Variants in NCAM1 observed in about 807,000 individuals in gnomAD.
NCAM1 encodes the protein neural cell adhesion molecule 1, also known as antigen recognized by monoclonal antibody 5.1H11.
Under a neutral mutation model 109.8 loss-of-function variants are expected in NCAM1, and 14 were observed. The ratio of observed to expected loss-of-function variants is 0.13; its 90% CI spans 0.08 to 0.20. NCAM1 has a LOEUF of 0.20. NCAM1 is among the 10% of genes least tolerant of loss of function. NCAM1 has a pLI of 1.00. For missense variants in NCAM1, 774 were observed against 1,109.9 expected (o/e 0.70, Z 4.30); for synonymous variants, 418 against 442.9 (o/e 0.94, Z 0.70).
chr11:113,219,770 CA>C (rs1302399078), intron 8 of NCAM1, among the ~76,000 whole-genome samples: 3 of 152,164 alleles, frequency 2.0e-5, no homozygotes, highest in African/African-American at 7.2e-5. Context: ...TAGAGTCTCT[CA>C]AAAGAAAGAT....
chr11:113,120,774 A>C (rs1565448060), intron 1 of NCAM1, among the ~76,000 whole-genome samples: 1 of 152,198 alleles, frequency 6.6e-6, no homozygotes, highest in African/African-American at 2.4e-5. Context: ...CAAAATACGA[A>C]AACTCGAAGA....
chr11:113,206,082 G>A lies in NCAM1; in HGVS notation c.530G>A (p.Arg177Gln), dbSNP rs35576001. The A allele has an allele frequency of 1.5e-3, 2,353 of 1,613,844 alleles. 25 individuals are homozygous for A. In the African/African-American group the frequency reaches 0.026, roughly 18 times the overall value. ...CTGTCCAACAACTACCTGCAGATCCGGGGCATCAAGAAAACAGATGAGGGC... is the reference window on the plus strand; with the variant it reads ...CTGTCCAACAACTACCTGCAGATCCAGGGCATCAAGAAAACAGATGAGGGC... Reference protein sequence around the residue: ...IVLSNNYLQIRGIKKTDEGTY... With the variant: ...IVLSNNYLQIQGIKKTDEGTY... The change falls in exon 5 of 20, where the codon CGG (arginine) becomes CAG (glutamine). Residue 177 changes from arginine to glutamine, a missense_variant. This residue lies in a region of NCAM1 where 523 missense variants were observed against 784.2 expected (regional missense o/e 0.67). Coordinates refer to ENST00000316851, the MANE Select transcript of NCAM1 (RefSeq NM_181351.5).
At chr11:113,067,003 C>CAAA (rs34002848) in intron 1 of NCAM1, among the ~76,000 whole-genome samples, 4,090 of 103,282 alleles carry the variant, frequency 0.04, 210 homozygotes, top group East Asian at 0.14. Context: ...GAACCCCTCT[C>CAAA]AAAAAAAAAA....
At chr11:113,079,289 CAG>C (rs1555086726) in intron 1 of NCAM1, among the ~76,000 whole-genome samples, 1 of 152,160 alleles carries the variant, frequency 6.6e-6, no homozygotes, top group East Asian at 1.9e-4. Context: ...ATGGAGGCAA[CAG>C]AGAGTAAGGG....
chr11:113,236,012 C>T (rs1485077328), intron 14 of NCAM1, among the ~76,000 whole-genome samples: 1 of 152,106 alleles, frequency 6.6e-6, no homozygotes, highest in Admixed American at 6.5e-5. Flanking sequence ...CTCTCTGACC[C>T]CTGGATTTAA....
In NCAM1 at chr11:113,277,358, A is replaced by T; in HGVS notation, c.*1971A>T. The T allele has an allele frequency of 2.5e-6, 1 of 399,056 alleles. No homozygotes were observed. The highest frequency in any genetic ancestry group is 4.4e-6 in the Non-Finnish European group (1 of 226,126). 24.7% of individuals were successfully genotyped at this position (399,056 alleles called of 1,614,324 possible). A position where few individuals can be genotyped will look rare whatever the true frequency, so the allele number is the denominator to read the frequency against. Reference sequence around the variant, plus strand: ...TGTTGCATTTTCTCAGCTCCTGGGGATGGAAATGGAGGATCCCAGAACACA... The same window carrying T: ...TGTTGCATTTTCTCAGCTCCTGGGGTTGGAAATGGAGGATCCCAGAACACA... On this transcript the variant is annotated 3_prime_UTR_variant, in exon 20 of 20. Transcript: ENST00000316851.
intron 1 of NCAM1, among the ~76,000 whole-genome samples, chr11:113,190,446 G>C (rs1320288426): frequency 1.3e-5 from 2 of 152,148 alleles, no homozygotes; most frequent in African/African-American, 4.8e-5. Flanking sequence ...ATGTATTTTG[G>C]ATGTGCCAGC....
chr11:113,273,627 G>A lies in NCAM1; in HGVS notation c.2457-1640G>A, dbSNP rs1377331258. 5 of 454,860 alleles carry A rather than the reference G, an allele frequency of 1.1e-5. No homozygotes were observed. The East Asian group carries it at 3.5e-4, about 32-fold the overall frequency. The allele number at this position is 454,860 out of a possible 1,614,324, so 28.2% of individuals were successfully genotyped here. A position where few individuals can be genotyped will look rare whatever the true frequency, so the allele number is the denominator to read the frequency against. The stretch of plus-strand genomic sequence containing the variant: ...CTTCAAGACCCCAGATATTGACCTT[G>A]CAAAGGATGTTTTTGCAGCCCTGGG... On this transcript the variant is annotated intron_variant, in intron 19 of 19. Transcript: ENST00000316851. The surrounding 1 kb of genome is among the most constrained non-coding windows in gnomAD (Gnocchi z 6.0).
intron 14 of NCAM1, chr11:113,243,413 G>A (rs940457539): frequency 8.6e-6 from 3 of 348,166 alleles, no homozygotes; most frequent in African/African-American, 6.4e-5. Context: ...TCAGGCTCCC[G>A]CCTCAGTGCT....
intron 1 of NCAM1, among the ~76,000 whole-genome samples, chr11:112,992,743 G>A (rs782450403): frequency 2.0e-5 from 3 of 152,030 alleles, no homozygotes; most frequent in South Asian, 2.1e-4. Flanking sequence ...TCCTGACCTC[G>A]TGATCCGCCA....
At position 112,961,648 on chromosome 11, in the gene NCAM1, T is replaced by A. The variant is rs201161826; in HGVS notation, c.36T>A (p.Phe12Leu). ...CTAAGGATCTCATCTGGACTTTGTT[T>A]TTCCTGGGAACTGCAGGTACATTTT... ...LQTKDLIWTLFFLGTAVSLQV... is the reference protein window; with the variant it reads ...LQTKDLIWTLLFLGTAVSLQV... Residue 12 changes from phenylalanine (F) to leucine (L), a missense_variant, in exon 1 of 20, where the codon TTT (phenylalanine) becomes TTA (leucine). Coordinates refer to ENST00000316851, the MANE Select transcript of NCAM1 (RefSeq NM_181351.5). 302 of 1,497,156 alleles carry A rather than the reference T, an allele frequency of 2.0e-4. No homozygotes were observed. The highest frequency in any genetic ancestry group is 2.6e-4 in the Non-Finnish European group (279 of 1,080,212). 92.7% of individuals were successfully genotyped at this position (1,497,156 alleles called of 1,614,324 possible).
At chr11:113,250,307 T>C (rs1945637480) in intron 15 of NCAM1, among the ~76,000 whole-genome samples, 2 of 152,180 alleles carry the variant, frequency 1.3e-5, no homozygotes, top group Admixed American at 6.5e-5. Flanking sequence ...GTATGCAACA[T>C]AGATCACATC....
intron 1 of NCAM1, among the ~76,000 whole-genome samples, chr11:113,090,802 A>G (rs1939308992): frequency 6.6e-6 from 1 of 152,180 alleles, no homozygotes; most frequent in Non-Finnish European, 1.5e-5. Context: ...TTTGATATCT[A>G]TTTCATCATG....
intron 1 of NCAM1, among the ~76,000 whole-genome samples, chr11:113,135,651 A>T (rs1250512216): frequency 2.0e-5 from 3 of 152,176 alleles, no homozygotes; most frequent in Non-Finnish European, 4.4e-5. Flanking sequence ...TTTTGTGTAC[A>T]TTCCTCTGTG....
In NCAM1 at chr11:112,961,560, G is replaced by C. The variant is rs371422820; in HGVS notation, c.-53G>C. Reference sequence around the variant, plus strand: ...CGCCGTCCACACTCGCTGCAGGGGGGGGGGCACAGAATTTACCGCGGCAAG... The same window carrying C: ...CGCCGTCCACACTCGCTGCAGGGGGCGGGGCACAGAATTTACCGCGGCAAG... On this transcript the variant is annotated 5_prime_UTR_variant, in exon 1 of 20. Transcript: ENST00000316851. 4.9e-5 allele frequency: 56 copies of C among 1,144,658 alleles called. No homozygotes were observed. Among genetic ancestry groups the C allele is most frequent in the African/African-American group, 1.2e-4 (8 of 65,546 alleles). The allele number at this position is 1,144,658 out of a possible 1,614,324, so 70.9% of individuals were successfully genotyped here.
chr11:113,136,017 A>G (rs1000244551), intron 1 of NCAM1, among the ~76,000 whole-genome samples: 3 of 152,100 alleles, frequency 2.0e-5, no homozygotes, highest in Non-Finnish European at 4.4e-5. Context: ...GTGCACTTTA[A>G]ATTGAAATTA....
intron 1 of NCAM1, among the ~76,000 whole-genome samples, chr11:113,044,343 CTTCT>C (rs1307257455): frequency 3.3e-5 from 5 of 150,998 alleles, no homozygotes; most frequent in Non-Finnish European, 7.4e-5. Context: ...TTGCTAATTC[CTTCT>C]GTGTGTGACA....
intron 7 of NCAM1, among the ~76,000 whole-genome samples, chr11:113,213,520 A>T (rs1555113932): frequency 6.6e-6 from 1 of 152,008 alleles, no homozygotes; most frequent in Non-Finnish European, 1.5e-5. Context: ...TCCTTGCCTG[A>T]TTTCTTCATT....
intron 15 of NCAM1, among the ~76,000 whole-genome samples, chr11:113,247,907 A>G (rs1404408178): frequency 5.8e-4 from 88 of 152,196 alleles, no homozygotes; most frequent in Non-Finnish European, 5.9e-5. Context: ...ACTTAAGATG[A>G]CTGTTCAGTA....
Sources: gnomAD v4.1 joint callset for allele counts (sites outside exome capture counted in the v4.1 genomes callset) on GRCh38, gnomAD v4.1.1 for gene constraint, gnomAD v4.1.1 regional missense constraint, Gnocchi (gnomAD v3.1) non-coding constraint, MANE v1.5 for transcripts, NCBI Gene and HGNC (gene_info 2026-07-23, HGNC 2026-07-21) for gene names.